The following TBC1D19 variants were observed in gnomAD, a reference collection of about 807,000 sequenced individuals.
The protein encoded by TBC1D19 is TBC1 domain family member 19, also known as TBC1 domain family, member 19.
Under a neutral mutation model 89.0 loss-of-function variants are expected in TBC1D19, and 60 were observed. The observed-to-expected ratio is 0.67, with a 90% CI of 0.55 to 0.84. The LOEUF (loss-of-function observed/expected upper bound fraction) is 0.84, where lower values mean the gene tolerates loss of function less well. Among genes scored for constraint, TBC1D19 ranks in the 40% least tolerant of loss-of-function variants. TBC1D19 has a pLI of 0.00. For synonymous variants in TBC1D19, 189 were observed against 199.7 expected (o/e 0.95, Z 0.45); for missense variants, 500 against 610.8 (o/e 0.82, Z 1.91).
At chr4:26,699,661 C>T (rs1715139536) in intron 13 of TBC1D19, among the ~76,000 whole-genome samples, 1 of 152,110 alleles carries the variant, frequency 6.6e-6, no homozygotes. Flanking sequence ...GGCACATATA[C>T]ACCATGGAAT....
chr4:26,714,325 T>C (rs775884470), intron 13 of TBC1D19, among the ~76,000 whole-genome samples: 13 of 152,124 alleles, frequency 8.5e-5, no homozygotes, highest in Non-Finnish European at 1.8e-4. Context: ...GTTAGTTACA[T>C]ATGTATACAT....
At chr4:26,838,580 A>G in the TBC1D19 span, among the ~76,000 whole-genome samples, 1,168 of 152,326 alleles carry the variant, frequency 7.7e-3, 16 homozygotes, top group African/African-American at 0.027. Flanking sequence ...TAAAAGCTCC[A>G]TATCTCCTGA....
At chr4:26,737,502 A>T (rs150905938) in intron 16 of TBC1D19, among the ~76,000 whole-genome samples, 1,766 of 152,274 alleles carry the variant, frequency 0.012, 28 homozygotes, top group African/African-American at 0.036. Flanking sequence ...TCTTCTAGCA[A>T]GATCTTCTGG....
intron 9 of TBC1D19, among the ~76,000 whole-genome samples, chr4:26,670,331 C>T (rs181760449): frequency 2.6e-5 from 4 of 151,208 alleles, no homozygotes; most frequent in African/African-American, 9.7e-5. Flanking sequence ...ATTAGGACTA[C>T]AATAAACTAA....
At chr4:26,729,274 A>G (rs932335682) in intron 15 of TBC1D19, among the ~76,000 whole-genome samples, 1 of 152,230 alleles carries the variant, frequency 6.6e-6, no homozygotes, top group Non-Finnish European at 1.5e-5. Flanking sequence ...TCTCCTAACT[A>G]GAGACCAATA....
At chr4:26,618,564 G>C (rs1741838706) in intron 3 of TBC1D19, among the ~76,000 whole-genome samples, 1 of 152,186 alleles carries the variant, frequency 6.6e-6, no homozygotes, top group Non-Finnish European at 1.5e-5. Context: ...TTGTAGACTG[G>C]ATCCTAAAAG....
intron 9 of TBC1D19, among the ~76,000 whole-genome samples, chr4:26,667,569 C>A (rs12331574): frequency 6.1e-4 from 93 of 152,084 alleles, no homozygotes; most frequent in African/African-American, 2.2e-3. Flanking sequence ...GATGCATATA[C>A]CACACATTTA....
At chr4:26,735,021 C>T (rs1162367818) in intron 15 of TBC1D19, among the ~76,000 whole-genome samples, 1 of 61,740 alleles carries the variant, frequency 1.6e-5, no homozygotes, top group African/African-American at 3.9e-5. Flanking sequence ...TATGTGTATA[C>T]ACATGTATAT....
chr4:26,637,467 G>T (rs201913672), intron 5 of TBC1D19, among the ~76,000 whole-genome samples, 182 bp downstream of exon 5: 1 of 152,012 alleles, frequency 6.6e-6, no homozygotes, highest in African/African-American at 2.4e-5. Context: ...CCGCCTCCTG[G>T]GTTCAAGCAA....
intron 13 of TBC1D19, among the ~76,000 whole-genome samples, chr4:26,701,190 T>C (rs1560482638): frequency 6.6e-6 from 1 of 152,170 alleles, no homozygotes. Flanking sequence ...TTCTCAATTT[T>C]GGACTTAACA....
chr4:26,591,273 C>A (rs1247334076), intron 1 of TBC1D19, among the ~76,000 whole-genome samples: 3 of 151,512 alleles, frequency 2.0e-5, no homozygotes, highest in African/African-American at 7.3e-5. Flanking sequence ...ATAGATGTAC[C>A]ACAGTTTGTT....
intron 18 of TBC1D19, among the ~76,000 whole-genome samples, 192 bp from the exon 19 acceptor site, chr4:26,748,219 T>C (rs1031640732): frequency 3.9e-5 from 6 of 152,170 alleles, no homozygotes; most frequent in African/African-American, 1.2e-4. Context: ...CTTAATACTT[T>C]AAGACCACTA....
chr4:26,590,779 C>T (rs1328797665), intron 1 of TBC1D19, among the ~76,000 whole-genome samples: 2 of 74,476 alleles, frequency 2.7e-5, no homozygotes, highest in African/African-American at 5.5e-5. Flanking sequence ...AAGGTTCACT[C>T]TTTGTCTTGC....
At chr4:26,639,231 T>C (rs1316581786) in intron 6 of TBC1D19, among the ~76,000 whole-genome samples, 2 of 152,072 alleles carry the variant, frequency 1.3e-5, no homozygotes, top group Non-Finnish European at 2.9e-5. Flanking sequence ...TTATTTTTTG[T>C]AGAGATGGGG....
chr4:26,740,000 A>G lies in TBC1D19; in HGVS notation c.1227+27A>G, dbSNP rs755746866. On this transcript the variant is annotated intron_variant, in intron 17 of 20. Transcript: ENST00000264866. ...TAAGTTCATAAGAAAAACTTGATCA[A>G]ATTAGGTTGGATTGTAATCTATTCT... 5.6e-6 allele frequency: 8 copies of G among 1,424,892 alleles called. No individual in the cohort carries two copies. In the East Asian group the frequency reaches 1.7e-4, roughly 30 times the overall value. 88.3% of individuals were successfully genotyped at this position (1,424,892 alleles called of 1,614,324 possible).
At chr4:26,751,575 T>C (rs1463528330) in intron 19 of TBC1D19, among the ~76,000 whole-genome samples, 1 of 152,234 alleles carries the variant, frequency 6.6e-6, no homozygotes, top group Non-Finnish European at 1.5e-5. Flanking sequence ...GTAAATCCTT[T>C]GTTGCAGATC....
chr4:26,748,759 G>A (rs1718787214), intron 19 of TBC1D19, among the ~76,000 whole-genome samples: 1 of 152,122 alleles, frequency 6.6e-6, no homozygotes. Flanking sequence ...TCCCAGGAAA[G>A]TTCATTTTCC....
At chr4:26,814,987 A>G in the TBC1D19 span, among the ~76,000 whole-genome samples, 3 of 151,714 alleles carry the variant, frequency 2.0e-5, no homozygotes, top group Admixed American at 2.0e-4. Flanking sequence ...GCACCACTGC[A>G]CTCCAGCTTG....
chr4:26,856,135 A>G, the TBC1D19 span, among the ~76,000 whole-genome samples: 467 of 152,250 alleles, frequency 3.1e-3, 2 homozygotes, highest in African/African-American at 0.01. Flanking sequence ...CCCTCGCCCC[A>G]TTCACACTTA....
Sources: gnomAD v4.1 joint callset for allele counts (sites outside exome capture counted in the v4.1 genomes callset) on GRCh38, gnomAD v4.1.1 for gene constraint, MANE v1.5 for transcripts, NCBI Gene and HGNC (gene_info 2026-07-23, HGNC 2026-07-21) for gene names.